The following GLI3 variants were observed in gnomAD, a reference collection of about 807,000 sequenced individuals.
GLI3 encodes transcription activator GLI3.
Under a neutral mutation model 100.8 loss-of-function variants are expected in GLI3, and 20 were observed. The ratio of observed to expected loss-of-function variants is 0.20; its 90% CI spans 0.14 to 0.29. The LOEUF (loss-of-function observed/expected upper bound fraction) is 0.29. Among genes scored for constraint, GLI3 ranks in the 10% least tolerant of loss-of-function variants. The pLI is 1.00. For synonymous variants in GLI3, 938 were observed against 860.5 expected (o/e 1.09, Z -1.58); for missense variants, 2,040 against 2,128.5 (o/e 0.96, Z 0.82).
At chr7:42,240,874 G>T (rs768510737), upstream of GLI3, among the ~76,000 whole-genome samples, 3 of 152,146 alleles carry the variant, frequency 2.0e-5, no homozygotes, top group Non-Finnish European at 2.9e-5. Context: ...CAAACTTCAC[G>T]TGCTCCTCTG....
At chr7:42,218,997 GAACA>G (rs1788431007) in intron 2 of GLI3, among the ~76,000 whole-genome samples, 1 of 152,084 alleles carries the variant, frequency 6.6e-6, no homozygotes. Flanking sequence ...AGAACATGTA[GAACA>G]TTGGAAGATT....
At chr7:42,177,305 T>C (rs1297053299) in intron 2 of GLI3, among the ~76,000 whole-genome samples, 4 of 152,056 alleles carry the variant, frequency 2.6e-5, no homozygotes, top group African/African-American at 9.7e-5. Context: ...GGAGGTCACA[T>C]ATTCAATGAT....
intron 3 of GLI3, among the ~76,000 whole-genome samples, chr7:42,135,744 C>T (rs1786413100): frequency 6.6e-6 from 1 of 152,184 alleles, no homozygotes; most frequent in Non-Finnish European, 1.5e-5. Context: ...CCTCCAACCT[C>T]TTCATCATGC....
chr7:42,212,245 G>A (rs1197494379), intron 2 of GLI3, among the ~76,000 whole-genome samples: 1 of 152,154 alleles, frequency 6.6e-6, no homozygotes, highest in East Asian at 1.9e-4. Flanking sequence ...ATGACAAGGG[G>A]AAAATATTAG....
At chr7:42,001,105 C>T (rs969849188) in intron 10 of GLI3, among the ~76,000 whole-genome samples, 1 of 151,342 alleles carries the variant, frequency 6.6e-6, no homozygotes, top group African/African-American at 2.4e-5. Flanking sequence ...ATTAGCTGGG[C>T]GTGGTGGTGA....
intron 10 of GLI3, among the ~76,000 whole-genome samples, chr7:41,983,852 C>T (rs1049879149): frequency 6.6e-6 from 1 of 152,144 alleles, no homozygotes; most frequent in African/African-American, 2.4e-5. Flanking sequence ...ATTGGGGCTC[C>T]AAGCATTAGC....
intron 10 of GLI3, among the ~76,000 whole-genome samples, chr7:42,005,717 AG>A (rs1297602324): frequency 6.6e-6 from 1 of 152,146 alleles, no homozygotes; most frequent in Non-Finnish European, 1.5e-5. Flanking sequence ...AAGGGAGGGA[AG>A]CGTATGAAGA....
At chr7:42,244,712 A>T (rs1002846542) in intron 1 of GLI3, among the ~76,000 whole-genome samples, 2 of 152,186 alleles carry the variant, frequency 1.3e-5, no homozygotes, top group African/African-American at 4.8e-5. Context: ...TAAAAAAAAA[A>T]AAAGTAAAAT....
intron 10 of GLI3, among the ~76,000 whole-genome samples, chr7:42,007,626 A>C (rs1029539153): frequency 2.0e-5 from 3 of 152,196 alleles, no homozygotes; most frequent in Admixed American, 6.5e-5. Flanking sequence ...ATACAAAAGC[A>C]CTCACAGCAC....
intron 2 of GLI3, among the ~76,000 whole-genome samples, chr7:42,191,216 C>T (rs1020699477): frequency 3.9e-5 from 6 of 151,978 alleles, no homozygotes; most frequent in African/African-American, 7.3e-5. Flanking sequence ...AACAGAAAAA[C>T]GATAAGACAA....
intron 7 of GLI3, among the ~76,000 whole-genome samples, chr7:42,035,427 T>A (rs141064317): frequency 6.6e-6 from 1 of 152,288 alleles, no homozygotes; most frequent in East Asian, 1.9e-4. Flanking sequence ...CAGGCTGAGC[T>A]CATCAGTGTT....
At chr7:42,159,396 A>C (rs545422874) in intron 2 of GLI3, among the ~76,000 whole-genome samples, 1 of 152,220 alleles carries the variant, frequency 6.6e-6, no homozygotes, top group African/African-American at 2.4e-5. Context: ...GCCCAAGAGT[A>C]TAATCCCTTC....
rs376667533 is a variant in GLI3, at chr7:42,094,136, GC to G, written c.368-17280del. Among the ~76,000 whole-genome samples the G allele has an allele frequency of 3.6e-4, 55 of 152,208 alleles. 1 individual carries two copies. In the South Asian group the frequency reaches 0.011, roughly 29 times the overall value. ...TCAAGGTCACTATCTCCCTTGCACTGCCCGCCCTTCAAATCATTGCTGGGTT... is the reference window on the plus strand; with the variant it reads ...TCAAGGTCACTATCTCCCTTGCACTGCCGCCCTTCAAATCATTGCTGGGTT... On this transcript the variant is annotated intron_variant, in intron 3 of 14. Transcript: ENST00000395925.
intron 4 of GLI3, among the ~76,000 whole-genome samples, chr7:42,071,158 A>G (rs1784776475): frequency 6.6e-6 from 1 of 151,964 alleles, no homozygotes; most frequent in African/African-American, 2.4e-5. Context: ...AAATACACAG[A>G]TCGTCTTCAC....
chr7:42,183,999 C>T (rs1207265515), intron 2 of GLI3, among the ~76,000 whole-genome samples: 1 of 152,214 alleles, frequency 6.6e-6, no homozygotes, highest in Non-Finnish European at 1.5e-5. Context: ...AGGCATGTCT[C>T]TGCCTCAGTT....
intron 4 of GLI3, among the ~76,000 whole-genome samples, chr7:42,076,205 A>T (rs1390346251): frequency 6.6e-6 from 1 of 152,166 alleles, no homozygotes; most frequent in Non-Finnish European, 1.5e-5. Flanking sequence ...TTTCTAATGT[A>T]TGTTATCACT....
chr7:42,210,043 A>G (rs1788234005), intron 2 of GLI3, among the ~76,000 whole-genome samples: 1 of 146,608 alleles, frequency 6.8e-6, no homozygotes, highest in Non-Finnish European at 1.5e-5. Flanking sequence ...ATAAAGTGCC[A>G]TGTAAAATAA....
At chr7:42,143,838 C>A (rs1041902003) in intron 3 of GLI3, among the ~76,000 whole-genome samples, 17 of 152,092 alleles carry the variant, frequency 1.1e-4, no homozygotes, top group Non-Finnish European at 2.5e-4. Context: ...CAGTTGGGGG[C>A]AGAAGAAAAG....
intron 3 of GLI3, among the ~76,000 whole-genome samples, chr7:42,077,865 T>C (rs1352057464): frequency 6.6e-6 from 1 of 152,218 alleles, no homozygotes; most frequent in Non-Finnish European, 1.5e-5. Context: ...ACTTGGAGGT[T>C]TGACTCCATG....
Sources: allele counts gnomAD v4.1 joint callset (sites outside exome capture counted in the v4.1 genomes callset), GRCh38; gene constraint gnomAD v4.1.1; transcripts MANE v1.5; gene names NCBI Gene and HGNC (gene_info 2026-07-23, HGNC 2026-07-21).